CD109: variants seen among roughly 807,000 people sequenced by gnomAD.
The protein encoded by CD109 is CD109 molecule.
CD109 carries 149 observed loss-of-function variants against 165.8 expected under a neutral mutation model. The observed-to-expected ratio is 0.90, with a 90% confidence interval of 0.79 to 1.03. The LOEUF is 1.03. Ranked by LOEUF, CD109 falls within the 50% of genes least tolerant of loss-of-function variation. CD109 has a pLI of 0.00. For synonymous variants in CD109, 585 were observed against 592.1 expected (o/e 0.99, Z 0.18); for missense variants, 1,712 against 1,677.8 (o/e 1.02, Z -0.36).
Position 73,818,514 on chromosome 6 carries a change from A to T in CD109, c.4038A>T (p.Lys1346Asn). 1 of 1,612,676 alleles carries T rather than the reference A, an allele frequency of 6.2e-7. No individual in the cohort carries two copies. The highest frequency in any genetic ancestry group is 1.1e-5 in the South Asian group (1 of 90,654). ...TVKKVEYDHG[K>N]LNLYLDSVNE... ...AGAAAGTGGAATATGATCATGGAAAACTCAACCTCTATTTAGATTCTGTAA... is the reference window on the plus strand; with the variant it reads ...AGAAAGTGGAATATGATCATGGAAATCTCAACCTCTATTTAGATTCTGTAA... Residue 1346 changes from lysine (K) to asparagine (N), a missense_variant, in exon 31 of 33, where the codon AAA (lysine) becomes AAT (asparagine). Transcript: ENST00000287097.
chr6:73,689,137 A>G, the CD109 span, among the ~76,000 whole-genome samples: 3 of 152,188 alleles, frequency 2.0e-5, no homozygotes, highest in African/African-American at 4.8e-5. Context: ...CTTCCAAACT[A>G]GAATTGGCAG....
intron 22 of CD109, among the ~76,000 whole-genome samples, chr6:73,789,244 A>G (rs1774823526): frequency 6.6e-6 from 1 of 152,178 alleles, no homozygotes; most frequent in Non-Finnish European, 1.5e-5. Flanking sequence ...TTACTCACTG[A>G]CTTCGGTCGC....
At chr6:73,779,581 A>G (rs796848827) in intron 15 of CD109, among the ~76,000 whole-genome samples, 32 of 152,110 alleles carry the variant, frequency 2.1e-4, no homozygotes, top group African/African-American at 7.5e-4. Flanking sequence ...GCTGAATAAT[A>G]TTGTGTTGTG....
chr6:73,810,221 G>A, intron 27 of CD109, 47 bp downstream of exon 27: 2 of 527,442 alleles, frequency 3.8e-6, no homozygotes, highest in Non-Finnish European at 5.5e-6. Context: ...ATATAATATA[G>A]ATTTATTTAT....
chr6:73,736,112 G>C (rs1336060728), intron 4 of CD109, among the ~76,000 whole-genome samples: 2 of 152,014 alleles, frequency 1.3e-5, no homozygotes, highest in African/African-American at 4.8e-5. Context: ...TTTCCAAAAT[G>C]TTCATGCAGC....
In CD109 at chr6:73,765,996, A is replaced by C. The variant is rs772708025; in HGVS notation, c.1174A>C (p.Thr392Pro). The C allele has an allele frequency of 6.2e-7, 1 of 1,614,166 alleles. No homozygotes were observed. ...AGAAAGAAGAAATAATGTAGTCATA[A>C]CAGTGACACAGAGAAACTATACTGA... ...LEERRNNVVI[T>P]VTQRNYTEYW... The change falls in exon 11 of 33, where the codon ACA (threonine) becomes CCA (proline). Residue 392 changes from threonine (T) to proline (P), a missense_variant. Thr to Pro is a conservative substitution (Grantham distance 38). Coordinates refer to ENST00000287097, the MANE Select transcript of CD109 (RefSeq NM_133493.5).
intron 4 of CD109, among the ~76,000 whole-genome samples, chr6:73,733,439 C>T (rs1772437667): frequency 6.6e-6 from 1 of 152,160 alleles, no homozygotes; most frequent in African/African-American, 2.4e-5. Context: ...TTTGCATGCC[C>T]CAATAACTGG....
Position 73,823,807 on chromosome 6 carries a change from C to T in CD109, c.*174C>T. ...GCATGTATAGCTGCATAGATTTCTT[C>T]ACCTGATCTTTGTGTGGAAGATCAG... On this transcript the variant is annotated 3_prime_UTR_variant, in exon 33 of 33. Coordinates refer to ENST00000287097, the MANE Select transcript of CD109 (RefSeq NM_133493.5). 2.1e-6 allele frequency: 1 copy of T among 471,242 alleles called. No homozygotes were observed. Among genetic ancestry groups the T allele is most frequent in the Non-Finnish European group, 3.7e-6 (1 of 266,822 alleles). 29.2% of individuals were successfully genotyped at this position (471,242 alleles called of 1,614,324 possible).
intron 7 of CD109, among the ~76,000 whole-genome samples, chr6:73,761,543 G>A (rs1773630761): frequency 6.6e-6 from 1 of 152,084 alleles, no homozygotes; most frequent in African/African-American, 2.4e-5. Flanking sequence ...TATTTTTTGA[G>A]TTGGAGTCTC....
intron 7 of CD109, among the ~76,000 whole-genome samples, chr6:73,760,438 C>T (rs1773577762): frequency 7.8e-6 from 1 of 128,888 alleles, no homozygotes; most frequent in African/African-American, 3.0e-5. Flanking sequence ...AAAAAAAAAG[C>T]CTTTCTGGCA....
chr6:73,778,806 T>C (rs1774361859), intron 15 of CD109, among the ~76,000 whole-genome samples: 1 of 152,186 alleles, frequency 6.6e-6, no homozygotes, highest in Non-Finnish European at 1.5e-5. Context: ...ACTTAGTTTT[T>C]TTTGTGATTT....
At chr6:73,721,727 CT>C (rs912005025) in intron 2 of CD109, among the ~76,000 whole-genome samples, 1 of 151,532 alleles carries the variant, frequency 6.6e-6, no homozygotes, top group African/African-American at 2.4e-5. Flanking sequence ...TTCTCTTTTT[CT>C]TTTTATTGAT....
At chr6:73,769,447 C>T (rs866714046) in intron 14 of CD109, among the ~76,000 whole-genome samples, 11 of 152,012 alleles carry the variant, frequency 7.2e-5, no homozygotes, top group South Asian at 2.1e-4. Flanking sequence ...TAAAAGATCA[C>T]GGACTTTGAG....
intron 1 of CD109, among the ~76,000 whole-genome samples, chr6:73,697,155 A>G (rs1253383209): frequency 6.6e-6 from 1 of 152,226 alleles, no homozygotes; most frequent in African/African-American, 2.4e-5. Flanking sequence ...AAATGGAAAT[A>G]ATAACACAGG....
Position 73,808,158 on chromosome 6 carries a change from C to G in CD109, c.3265C>G (p.Leu1089Val). 2 of 1,613,454 alleles carry G rather than the reference C, an allele frequency of 1.2e-6. No individual in the cohort carries two copies. The highest frequency in any genetic ancestry group is 1.7e-6 in the Non-Finnish European group (2 of 1,179,588). The change falls in exon 26 of 33, where the codon CTA becomes GTA. Residue 1089 changes from leucine (L) to valine (V), a missense_variant. Leu to Val is a conservative substitution (Grantham distance 32, BLOSUM62 1). Transcript: ENST00000287097. ...FSRGISDNYT[L>V]ALITYALSSV... ...TAGAGGAATTTCAGACAATTATACTCTAGCCCTTATAACTTATGCATTGTC... is the reference window on the plus strand; with the variant it reads ...TAGAGGAATTTCAGACAATTATACTGTAGCCCTTATAACTTATGCATTGTC...
At chr6:73,777,606 G>A (rs2150244716) in intron 15 of CD109, among the ~76,000 whole-genome samples, 1 of 152,224 alleles carries the variant, frequency 6.6e-6, no homozygotes, top group African/African-American at 2.4e-5. Flanking sequence ...GTAAGGAAGG[G>A]GTCCAGTTTC....
chr6:73,737,523 C>T (rs1345760611), intron 5 of CD109, among the ~76,000 whole-genome samples: 2 of 152,184 alleles, frequency 1.3e-5, no homozygotes, highest in African/African-American at 2.4e-5. Flanking sequence ...ATGAAAGGGG[C>T]TCATACTGTT....
At chr6:73,695,170 G>A (rs1291164443), upstream of CD109, 1 of 152,232 alleles carries the variant, frequency 6.6e-6, no homozygotes, top group Non-Finnish European at 1.5e-5. Context: ...CCATGAATTA[G>A]AAAGTTTAAG....
chr6:73,738,376 G>A (rs1772626626), intron 5 of CD109, among the ~76,000 whole-genome samples: 1 of 152,202 alleles, frequency 6.6e-6, no homozygotes, highest in African/African-American at 2.4e-5. Flanking sequence ...CAGCCTGTGG[G>A]TGGGCCGCCC....
Sources: gnomAD v4.1 joint callset for allele counts (sites outside exome capture counted in the v4.1 genomes callset) on GRCh38, gnomAD v4.1.1 for gene constraint, MANE v1.5 for transcripts, NCBI Gene and HGNC (gene_info 2026-07-23, HGNC 2026-07-21) for gene names.